The following GRM7 variants were observed in gnomAD, a reference collection of about 807,000 sequenced individuals.
GRM7 encodes the protein glutamate metabotropic receptor 7, also known as metabotropic glutamate receptor 7.
A neutral mutation model predicts 84.5 loss-of-function variants in GRM7; 35 were observed. The ratio of observed to expected loss-of-function variants is 0.41; its 90% CI spans 0.32 to 0.55. The LOEUF (loss-of-function observed/expected upper bound fraction) is 0.55, where lower values mean the gene tolerates loss of function less well. GRM7 is among the 20% of genes least tolerant of loss of function. GRM7 has a pLI of 0.19. For synonymous variants in GRM7, 487 were observed against 455.1 expected (o/e 1.07, Z -0.89); for missense variants, 1,003 against 1,194.6 (o/e 0.84, Z 2.36).
intron 9 of GRM7, among the ~76,000 whole-genome samples, chr3:7,719,662 A>G (rs1264543005): frequency 6.6e-6 from 1 of 152,046 alleles, no homozygotes; most frequent in Non-Finnish European, 1.5e-5. Flanking sequence ...AGTGCAAAAA[A>G]TTAGCCTGGC....
At chr3:7,275,432 G>A (rs1699017897) in intron 2 of GRM7, among the ~76,000 whole-genome samples, 1 of 152,134 alleles carries the variant, frequency 6.6e-6, no homozygotes, top group Admixed American at 6.5e-5. Flanking sequence ...GGTGTGAGGG[G>A]AGGGAAAGAA....
intron 1 of GRM7, among the ~76,000 whole-genome samples, chr3:7,068,423 A>G (rs1198151679): frequency 6.6e-6 from 1 of 152,032 alleles, no homozygotes; most frequent in African/African-American, 2.4e-5. Flanking sequence ...ATAGTTACGC[A>G]CAAAGTACGC....
At chr3:7,372,069 A>G (rs575851102) in intron 4 of GRM7, among the ~76,000 whole-genome samples, 161 of 152,288 alleles carry the variant, frequency 1.1e-3, no homozygotes, top group Non-Finnish European at 2.1e-3. Flanking sequence ...TTCTGTACCT[A>G]CAGATGAGGG....
intron 1 of GRM7, among the ~76,000 whole-genome samples, chr3:6,905,457 T>A (rs1012207225): frequency 6.6e-6 from 1 of 152,178 alleles, no homozygotes; most frequent in Admixed American, 6.5e-5. Context: ...ATGTTAAGAC[T>A]TTTTTAAAAT....
At chr3:7,463,611 G>C (rs999188344) in intron 7 of GRM7, among the ~76,000 whole-genome samples, 1 of 152,120 alleles carries the variant, frequency 6.6e-6, no homozygotes, top group Non-Finnish European at 1.5e-5. Context: ...TCTGAGGTGT[G>C]ATAATGGAAA....
At chr3:7,156,459 C>T (rs940744945) in intron 2 of GRM7, among the ~76,000 whole-genome samples, 2 of 152,134 alleles carry the variant, frequency 1.3e-5, no homozygotes, top group Admixed American at 6.6e-5. Flanking sequence ...CTTTGGGTGG[C>T]AACCGGATCA....
chr3:7,337,878 C>T (rs970309744), intron 4 of GRM7, among the ~76,000 whole-genome samples: 1 of 151,838 alleles, frequency 6.6e-6, no homozygotes, highest in African/African-American at 2.4e-5. Flanking sequence ...ATAGAACTGC[C>T]ATTTGATCCA....
chr3:7,680,211 A>G lies in GRM7; in HGVS notation c.2614A>G (p.Met872Val), dbSNP rs755385748. The G allele has an allele frequency of 1.2e-5, 19 of 1,614,182 alleles. No individual in the cohort carries two copies. Among genetic ancestry groups the G allele is most frequent in the Non-Finnish European group, 1.6e-5 (19 of 1,180,002 alleles). The change falls in exon 9 of 10, where the codon ATG (methionine) becomes GTG (valine). Residue 872 changes from methionine (M) to valine (V), a missense_variant. Physicochemically the swap from Met to Val is conservative, Grantham distance 21 (BLOSUM62 1). Around this residue, in one of 2 missense-constraint regions of GRM7, gnomAD observed 910 missense variants for 1,126.0 expected, o/e 0.81. Transcript: ENST00000357716. ...SFKAVVTAAT[M>V]SSRLSHKPSD... ...CAAGGCGGTAGTCACAGCAGCCACC[A>G]TGTCATCGAGGCTGTCACACAAACC...
chr3:7,710,926 G>A (rs116547340), intron 9 of GRM7, among the ~76,000 whole-genome samples: 1 of 152,068 alleles, frequency 6.6e-6, no homozygotes, highest in African/African-American at 2.4e-5. Flanking sequence ...TCAGCACTTC[G>A]CTTAGAGTCA....
At chr3:7,085,641 T>C (rs1380007621) in intron 1 of GRM7, among the ~76,000 whole-genome samples, 1 of 152,158 alleles carries the variant, frequency 6.6e-6, no homozygotes, top group Non-Finnish European at 1.5e-5. Context: ...TTCAATTAAC[T>C]TTTTACTCAA....
rs535672045 is a variant in GRM7, at chr3:6,901,508, G to C, written c.519+39601G>C. 7.5e-5 allele frequency among the ~76,000 whole-genome samples: 11 copies of C among 147,646 alleles called. No homozygotes were observed. In the East Asian group the frequency reaches 2.3e-3, roughly 31 times the overall value. On this transcript the variant is annotated intron_variant, in intron 1 of 9. Transcript: ENST00000357716. ...AGCTACTCAGGAGGCTGAGGCAGGA[G>C]AATCGCTGGAACCCGATAGGTGGAG...
At chr3:6,887,373 C>G (rs1695737677) in intron 1 of GRM7, among the ~76,000 whole-genome samples, 1 of 151,978 alleles carries the variant, frequency 6.6e-6, no homozygotes, top group Non-Finnish European at 1.5e-5. Context: ...AATGCTATCC[C>G]TCCCCCCTTC....
chr3:7,686,259 T>G (rs1700580017), intron 9 of GRM7: 1 of 620,258 alleles, frequency 1.6e-6, no homozygotes, highest in Admixed American at 2.4e-5. Flanking sequence ...GTATGGTCTC[T>G]ATCGCAGCCT....
intron 1 of GRM7, among the ~76,000 whole-genome samples, chr3:7,101,304 G>T (rs934111982): frequency 6.6e-6 from 1 of 151,492 alleles, no homozygotes; most frequent in African/African-American, 2.4e-5. Flanking sequence ...CTTTTCAATG[G>T]GTGGATATTT....
At chr3:7,560,454 C>T (rs1693966737) in intron 7 of GRM7, 1 of 151,970 alleles carries the variant, frequency 6.6e-6, no homozygotes. Context: ...TTATCTTTAC[C>T]ACTGAGTTCT....
chr3:7,249,132 T>A, intron 2 of GRM7, among the ~76,000 whole-genome samples: 1 of 152,178 alleles, frequency 6.6e-6, no homozygotes, highest in South Asian at 2.1e-4. Context: ...TATATTTATA[T>A]GTTAATTGTT....
At chr3:7,729,376 T>C (rs1247733926) in intron 9 of GRM7, among the ~76,000 whole-genome samples, 1 of 152,182 alleles carries the variant, frequency 6.6e-6, no homozygotes, top group East Asian at 1.9e-4. Flanking sequence ...TTAAAATAAC[T>C]CCTATACATA....
chr3:7,692,489 C>T (rs1700844817), intron 9 of GRM7, among the ~76,000 whole-genome samples: 2 of 152,252 alleles, frequency 1.3e-5, no homozygotes, highest in East Asian at 1.9e-4. Context: ...GCTTTTATTG[C>T]ACTTATATTA....
chr3:7,543,772 C>T (rs903561068), intron 7 of GRM7, among the ~76,000 whole-genome samples: 4 of 152,094 alleles, frequency 2.6e-5, no homozygotes, highest in Admixed American at 2.6e-4. Context: ...AACCTGTAGC[C>T]ATGGTGAGCG....
Sources: gnomAD v4.1 joint callset for allele counts (sites outside exome capture counted in the v4.1 genomes callset) on GRCh38, gnomAD v4.1.1 for gene constraint, gnomAD v4.1.1 regional missense constraint, MANE v1.5 for transcripts, NCBI Gene and HGNC (gene_info 2026-07-23, HGNC 2026-07-21) for gene names.